NECTIN3: variants seen among roughly 807,000 people sequenced by gnomAD.
NECTIN3 encodes the protein nectin-3.
A neutral mutation model predicts 49.4 loss-of-function variants in NECTIN3; 8 were observed. The observed-to-expected ratio is 0.16, with a 90% CI of 0.10 to 0.29. NECTIN3 has a LOEUF of 0.29. Among genes scored for constraint, NECTIN3 ranks in the 10% least tolerant of loss-of-function variants. NECTIN3 has a pLI of 1.00. For missense variants in NECTIN3, 581 were observed against 654.6 expected (o/e 0.89, Z 1.23); for synonymous variants, 277 against 241.1 (o/e 1.15, Z -1.38).
chr3:111,080,436 T>G (rs1371727857), intron 1 of NECTIN3, among the ~76,000 whole-genome samples: 1 of 152,118 alleles, frequency 6.6e-6, no homozygotes, highest in Non-Finnish European at 1.5e-5. Flanking sequence ...ACAGCATCTC[T>G]TGAAATATAA....
At chr3:111,172,148 G>T (rs987749041) in intron 7 of NECTIN3, among the ~76,000 whole-genome samples, 1 of 152,062 alleles carries the variant, frequency 6.6e-6, no homozygotes, top group Non-Finnish European at 1.5e-5. Context: ...GTTTTCCCTT[G>T]TATTTGTAGC....
In NECTIN3 at chr3:111,116,236, AATATC is replaced by A. The variant is rs575211204; in HGVS notation, c.503-2413_503-2409del. Among the ~76,000 whole-genome samples the A allele has an allele frequency of 5.3e-5, 8 of 152,188 alleles. No individual in the cohort carries two copies. The South Asian group carries it at 8.3e-4, about 16-fold the overall frequency. On this transcript the variant is annotated intron_variant, in intron 2 of 5. Coordinates refer to ENST00000485303, the MANE Select transcript of NECTIN3 (RefSeq NM_015480.3). Reference sequence around the variant, plus strand: ...GTTATAAGAAGAACTCAGGCAGAGTAATATCATATCAAGAAAAGATATGAAAGTTT... The same window carrying A: ...GTTATAAGAAGAACTCAGGCAGAGTAATATCAAGAAAAGATATGAAAGTTT...
chr3:111,139,245 A>G (rs1179468347), downstream of NECTIN3, among the ~76,000 whole-genome samples: 3 of 151,748 alleles, frequency 2.0e-5, no homozygotes, highest in Non-Finnish European at 4.4e-5. Context: ...TGAGCATTCA[A>G]ATTTCTAATT....
At chr3:111,127,582 G>A (rs1194463676) in intron 5 of NECTIN3, among the ~76,000 whole-genome samples, 2 of 148,670 alleles carry the variant, frequency 1.3e-5, no homozygotes, top group African/African-American at 5.0e-5. Context: ...TTTCTTTTGA[G>A]ACGTGGTCTC....
chr3:111,113,883 C>G (rs2033578031), intron 2 of NECTIN3, among the ~76,000 whole-genome samples: 1 of 152,078 alleles, frequency 6.6e-6, no homozygotes, highest in Admixed American at 6.6e-5. Context: ...ACTCGGGTGG[C>G]TGGGTCTTGA....
At chr3:111,093,591 C>T (rs779907473) in intron 1 of NECTIN3, among the ~76,000 whole-genome samples, 1 of 151,838 alleles carries the variant, frequency 6.6e-6, no homozygotes, top group African/African-American at 2.4e-5. Flanking sequence ...CGTGCCACCA[C>T]GCCTGGATAA....
At chr3:111,155,191 C>T (rs972646353) in intron 7 of NECTIN3, among the ~76,000 whole-genome samples, 13 of 152,214 alleles carry the variant, frequency 8.5e-5, no homozygotes, top group Admixed American at 3.3e-4. Context: ...CTGCCTCGGC[C>T]TCCCAAAAGT....
At chr3:111,138,899 T>C (rs1440388787), downstream of NECTIN3, among the ~76,000 whole-genome samples, 1 of 151,590 alleles carries the variant, frequency 6.6e-6, no homozygotes, top group Non-Finnish European at 1.5e-5. Context: ...AAAACCTAAT[T>C]GTAAAGTGAC....
At chr3:111,093,711 C>T (rs1035843038) in intron 1 of NECTIN3, among the ~76,000 whole-genome samples, 2 of 152,182 alleles carry the variant, frequency 1.3e-5, no homozygotes, top group Non-Finnish European at 2.9e-5. Flanking sequence ...GCTGGGATTA[C>T]AGGCATGAGC....
downstream of NECTIN3, among the ~76,000 whole-genome samples, chr3:111,138,428 G>A (rs2034652014): frequency 6.6e-6 from 1 of 151,106 alleles, no homozygotes; most frequent in African/African-American, 2.4e-5. Flanking sequence ...TATATTTCTG[G>A]GTTTTTTTTC....
intron 7 of NECTIN3, among the ~76,000 whole-genome samples, chr3:111,158,393 G>T (rs1387757537): frequency 1.3e-5 from 2 of 152,000 alleles, no homozygotes; most frequent in Non-Finnish European, 2.9e-5. Flanking sequence ...ATGTTTGGTG[G>T]GCAGTAATTC....
intron 7 of NECTIN3, among the ~76,000 whole-genome samples, chr3:111,182,055 T>A (rs2035635526): frequency 6.6e-6 from 1 of 152,234 alleles, no homozygotes; most frequent in Non-Finnish European, 1.5e-5. Flanking sequence ...AAGATATCAT[T>A]ATTCAGTTAA....
rs574859957 is a variant in NECTIN3, at chr3:111,087,428, G to A, written c.160+15251G>A. ...AGCACTTTGGGAGACCAAGGCTGGCGTATCACTGGAGGTCAGGAGTTCAAG... is the reference window on the plus strand; with the variant it reads ...AGCACTTTGGGAGACCAAGGCTGGCATATCACTGGAGGTCAGGAGTTCAAG... On this transcript the variant is annotated intron_variant, in intron 1 of 5. Transcript: ENST00000485303. 1.8e-4 allele frequency among the ~76,000 whole-genome samples: 27 copies of A among 152,202 alleles called. No homozygotes were observed. The South Asian group carries it at 3.3e-3, about 19-fold the overall frequency.
intron 1 of NECTIN3, among the ~76,000 whole-genome samples, chr3:111,078,741 A>T (rs2031405631): frequency 6.6e-6 from 1 of 152,134 alleles, no homozygotes; most frequent in South Asian, 2.1e-4. Context: ...CTTTTTAAAA[A>T]ATTATTTTTC....
chr3:111,161,886 G>A (rs1476557090), intron 7 of NECTIN3, among the ~76,000 whole-genome samples: 1 of 152,134 alleles, frequency 6.6e-6, no homozygotes, highest in Admixed American at 6.5e-5. Flanking sequence ...GGAAGTTCTA[G>A]AATTTCACCT....
At chr3:111,157,861 C>T (rs1025121873) in intron 7 of NECTIN3, among the ~76,000 whole-genome samples, 1 of 152,014 alleles carries the variant, frequency 6.6e-6, no homozygotes, top group Non-Finnish European at 1.5e-5. Context: ...CAATGTTCTA[C>T]ATAGATATCT....
At chr3:111,115,906 C>T (rs1448215972) in intron 2 of NECTIN3, among the ~76,000 whole-genome samples, 1 of 150,578 alleles carries the variant, frequency 6.6e-6, no homozygotes, top group African/African-American at 2.4e-5. Flanking sequence ...TGATTAAATT[C>T]TGTTACTGCT....
At chr3:111,127,453 G>A (rs1287478249) in intron 5 of NECTIN3, among the ~76,000 whole-genome samples, 1 of 147,854 alleles carries the variant, frequency 6.8e-6, no homozygotes, top group Admixed American at 6.7e-5. Context: ...ACATGATAGA[G>A]GTGCAAACTT....
At chr3:111,121,001 CTTTTTTTTTTTTTTT>C (rs397954033) in intron 3 of NECTIN3, among the ~76,000 whole-genome samples, 1 of 129,558 alleles carries the variant, frequency 7.7e-6, no homozygotes, top group East Asian at 2.3e-4. Flanking sequence ...TTATTTCTTT[CTTTTTTTTTTTTTTT>C]TTTTGAGATG....
Sources: gnomAD v4.1 joint callset for allele counts (sites outside exome capture counted in the v4.1 genomes callset) on GRCh38, gnomAD v4.1.1 for gene constraint, MANE v1.5 for transcripts, NCBI Gene and HGNC (gene_info 2026-07-23, HGNC 2026-07-21) for gene names.